N4BP2: variants seen among roughly 807,000 people sequenced by gnomAD.
N4BP2 encodes NEDD4 binding protein 2.
A neutral mutation model predicts 152.8 loss-of-function variants in N4BP2; 91 were observed. The ratio of observed to expected loss-of-function variants is 0.60; its 90% CI spans 0.50 to 0.71. The LOEUF (loss-of-function observed/expected upper bound fraction) is 0.71. N4BP2 is among the 30% of genes least tolerant of loss of function. The pLI is 0.00. For missense variants in N4BP2, 1,923 were observed against 2,059.1 expected (o/e 0.93, Z 1.28); for synonymous variants, 646 against 705.3 (o/e 0.92, Z 1.33).
At chr4:40,104,959 C>T (rs1033070607) in intron 4 of N4BP2, among the ~76,000 whole-genome samples, 3 of 152,084 alleles carry the variant, frequency 2.0e-5, no homozygotes, top group Non-Finnish European at 2.9e-5. Context: ...ACTGCCACCG[C>T]GCCTGGTTAA....
intron 16 of N4BP2, among the ~76,000 whole-genome samples, chr4:40,150,233 C>T (rs567806295): frequency 1.4e-4 from 21 of 152,314 alleles, no homozygotes; most frequent in African/African-American, 3.8e-4. Context: ...CTGCTACGTA[C>T]GAATCATTTT....
chr4:40,117,512 A>G (rs1195162556), intron 7 of N4BP2, among the ~76,000 whole-genome samples: 1 of 152,234 alleles, frequency 6.6e-6, no homozygotes. Context: ...AAGTACTCCG[A>G]GTTGAAGGCC....
intron 2 of N4BP2, among the ~76,000 whole-genome samples, chr4:40,088,456 G>A (rs920888960): frequency 1.4e-5 from 2 of 147,360 alleles, no homozygotes; most frequent in Admixed American, 1.4e-4. Flanking sequence ...TGTTGTACCT[G>A]TTTTTTATTT....
chr4:40,093,874 A>G (rs2109945836), intron 2 of N4BP2, among the ~76,000 whole-genome samples: 1 of 152,252 alleles, frequency 6.6e-6, no homozygotes, highest in East Asian at 1.9e-4. Context: ...TGCTGCAATT[A>G]CAGGTGTGAG....
the N4BP2 span, among the ~76,000 whole-genome samples, chr4:40,190,264 G>C: frequency 2.6e-5 from 4 of 152,162 alleles, no homozygotes; most frequent in Non-Finnish European, 5.9e-5. Flanking sequence ...TATAGCAAGT[G>C]TTCAGTAAAT....
At chr4:40,060,541 G>A (rs1314035988) in intron 1 of N4BP2, among the ~76,000 whole-genome samples, 1 of 151,936 alleles carries the variant, frequency 6.6e-6, no homozygotes, top group Non-Finnish European at 1.5e-5. Flanking sequence ...CACTGTGCCC[G>A]GCCGCACATA....
At chr4:40,088,968 T>G (rs949488170) in intron 2 of N4BP2, among the ~76,000 whole-genome samples, 4 of 152,174 alleles carry the variant, frequency 2.6e-5, no homozygotes, top group African/African-American at 9.7e-5. Flanking sequence ...TGTGTTTTTT[T>G]GAAACAGAGT....
intron 17 of N4BP2, among the ~76,000 whole-genome samples, chr4:40,153,527 G>A (rs924960584): frequency 1.2e-4 from 18 of 152,238 alleles, no homozygotes; most frequent in African/African-American, 4.3e-4. Context: ...AACAGAAAAT[G>A]ACAAGAAAGT....
chr4:40,173,002 A>G, the N4BP2 span, among the ~76,000 whole-genome samples: 1 of 152,074 alleles, frequency 6.6e-6, no homozygotes, highest in African/African-American at 2.4e-5. Context: ...TCCAGTTGAC[A>G]CCGCCTTGCT....
intron 1 of N4BP2, among the ~76,000 whole-genome samples, chr4:40,062,072 T>G (rs1424510396): frequency 2.3e-5 from 3 of 130,070 alleles, no homozygotes; most frequent in Non-Finnish European, 4.6e-5. Context: ...CTTTATTTTT[T>G]GGTTACTTTT....
intron 13 of N4BP2, among the ~76,000 whole-genome samples, chr4:40,133,520 G>T (rs28446542): frequency 0.082 from 12,413 of 151,950 alleles, 928 homozygotes; most frequent in East Asian, 0.41. Flanking sequence ...ATTTTTAGTA[G>T]AGACAAGGTT....
chr4:40,187,244 C>A, the N4BP2 span, among the ~76,000 whole-genome samples: 8 of 152,224 alleles, frequency 5.3e-5, no homozygotes, highest in Admixed American at 5.2e-4. Flanking sequence ...TTCTGGTAAG[C>A]TGATTTTCTT....
At chr4:40,152,406 C>T (rs997590600) in intron 16 of N4BP2, among the ~76,000 whole-genome samples, 11 of 152,014 alleles carry the variant, frequency 7.2e-5, no homozygotes, top group Non-Finnish European at 1.6e-4. Context: ...AAATATAAGC[C>T]ACTTAAAGCA....
At chr4:40,080,186 AAAG>A (rs1365293880) in intron 2 of N4BP2, among the ~76,000 whole-genome samples, 1 of 152,054 alleles carries the variant, frequency 6.6e-6, no homozygotes, top group Non-Finnish European at 1.5e-5. Flanking sequence ...TCTCATGAAA[AAAG>A]GAAGATACGT....
At chr4:40,115,428 C>T (rs936127358) in intron 7 of N4BP2, among the ~76,000 whole-genome samples, 2 of 152,060 alleles carry the variant, frequency 1.3e-5, no homozygotes, top group African/African-American at 2.4e-5. Context: ...CCTGGGAGGT[C>T]GAGGCTGTGA....
the N4BP2 span, among the ~76,000 whole-genome samples, chr4:40,177,287 G>A: frequency 1.3e-5 from 2 of 152,158 alleles, no homozygotes; most frequent in African/African-American, 4.8e-5. Context: ...AAGGAAGGGA[G>A]GGAAAGGGAA....
At position 40,137,057 on chromosome 4, in the gene N4BP2, C is replaced by T; in HGVS notation, c.4760C>T (p.Thr1587Ile). The T allele has an allele frequency of 6.2e-7, 1 of 1,613,520 alleles. No individual in the cohort carries two copies. The highest frequency in any genetic ancestry group is 8.5e-7 in the Non-Finnish European group (1 of 1,179,692). ...VHQNENVTSHTGQKSKEKKPK... is the reference protein window; with the variant it reads ...VHQNENVTSHIGQKSKEKKPK... ...CAAAATGAGAATGTCACATCTCATA[C>T]TGGCCAGAAGTCTAAAGAGAAAAAG... Residue 1587 changes from threonine to isoleucine, a missense_variant, in exon 14 of 18, where the codon ACT (threonine) becomes ATT (isoleucine). Physicochemically the swap from Thr to Ile is moderately conservative, Grantham distance 89. Coordinates refer to ENST00000261435, the MANE Select transcript of N4BP2 (RefSeq NM_018177.6).
intron 2 of N4BP2, among the ~76,000 whole-genome samples, chr4:40,080,577 T>C (rs59750839): frequency 0.48 from 72,058 of 151,454 alleles, 17,747 homozygotes; most frequent in East Asian, 0.83. Flanking sequence ...TCTAGTGACC[T>C]GCCCGCCTCG....
chr4:40,183,131 GCA>G, the N4BP2 span, among the ~76,000 whole-genome samples: 20 of 152,248 alleles, frequency 1.3e-4, no homozygotes, highest in Admixed American at 1.2e-3. Flanking sequence ...TAGTCATAAT[GCA>G]CAGATACAAT....
Sources: allele counts gnomAD v4.1 joint callset (sites outside exome capture counted in the v4.1 genomes callset), GRCh38; gene constraint gnomAD v4.1.1; transcripts MANE v1.5; gene names NCBI Gene and HGNC (gene_info 2026-07-23, HGNC 2026-07-21).